The following QPCTL variants were observed in gnomAD, a reference collection of about 807,000 sequenced individuals.
QPCTL encodes the protein glutaminyl-peptide cyclotransferase-like protein.
In QPCTL, 31 loss-of-function variants were observed where a neutral mutation model predicts 34.6. The ratio of observed to expected loss-of-function variants is 0.90; its 90% CI spans 0.67 to 1.21. The LOEUF is 1.21. Ranked by LOEUF, QPCTL falls within the 50% of genes most tolerant of loss-of-function variation. The pLI, the probability that QPCTL is intolerant of heterozygous loss-of-function variation, is 0.00. For synonymous variants in QPCTL, 223 were observed against 226.9 expected, an observed-to-expected ratio of 0.98 and a Z score of 0.15; for missense variants, 474 against 507.8, an observed-to-expected ratio of 0.93 and a Z score of 0.64.
chr19:45,700,012 G>A (rs1228592962), intron 5 of QPCTL, among the ~76,000 whole-genome samples: 1 of 150,338 alleles, frequency 6.7e-6, no homozygotes, highest in African/African-American at 2.5e-5. Flanking sequence ...GAAGTGGTAG[G>A]ATCACTTGAG....
At chr19:45,695,787 C>A in intron 3 of QPCTL, 69 bp downstream of exon 3, 2 of 1,473,110 alleles carry the variant, frequency 1.4e-6, no homozygotes. Flanking sequence ...CCCTCCCTTG[C>A]CTGGACATTT....
intron 2 of QPCTL, 101 bp downstream of exon 2, chr19:45,693,657 G>C: frequency 6.8e-7 from 1 of 1,462,214 alleles, no homozygotes; most frequent in East Asian, 2.4e-5. Context: ...GAGGAACTGG[G>C]GCTCTGACTG....
At chr19:45,701,943 G>T in intron 6 of QPCTL, 29 bp downstream of exon 6, 1 of 1,568,928 alleles carries the variant, frequency 6.4e-7, no homozygotes, top group South Asian at 1.1e-5. Context: ...GATGGAGGGT[G>T]GGTGTCCAAG....
At chr19:45,700,827 T>C (rs372836591) in intron 5 of QPCTL, among the ~76,000 whole-genome samples, 66 of 151,902 alleles carry the variant, frequency 4.3e-4, no homozygotes, top group South Asian at 2.1e-3. Flanking sequence ...GGTGTGGTGG[T>C]GGGCGCCTGT....
Position 45,701,823 on chromosome 19 carries a change from G to A in QPCTL, c.912G>A (p.Leu304=). 1 of 1,613,956 alleles carries A rather than the reference G, an allele frequency of 6.2e-7. No individual in the cohort carries two copies. The highest frequency in any genetic ancestry group is 8.5e-7 in the Non-Finnish European group (1 of 1,179,904). Residue 304 remains leucine (L), a synonymous_variant, in exon 6 of 7, where the codon CTG becomes CTA. Coordinates refer to ENST00000012049, the MANE Select transcript of QPCTL (RefSeq NM_017659.4). ...AGAAGCGTCTGCACCGTTTGAACCTGCTGCAGTCTCATCCCCAGGAAGTGA... is the reference window on the plus strand; with the variant it reads ...AGAAGCGTCTGCACCGTTTGAACCTACTGCAGTCTCATCCCCAGGAAGTGA... ...SIEKRLHRLN[L]LQSHPQEVMY...
At chr19:45,699,587 G>C (rs1366960544) in intron 5 of QPCTL, among the ~76,000 whole-genome samples, 1 of 151,864 alleles carries the variant, frequency 6.6e-6, no homozygotes, top group Non-Finnish European at 1.5e-5. Context: ...GAGCTCAGGA[G>C]TTTCAGACCA....
intron 5 of QPCTL, 152 bp downstream of exon 5, chr19:45,699,052 G>A (rs1429112885): frequency 7.8e-6 from 3 of 384,748 alleles, no homozygotes; most frequent in East Asian, 4.8e-5. Context: ...TTTTTTTTTT[G>A]AGATGGAGTC....
Position 45,697,265 on chromosome 19 carries a change from A to C in QPCTL, c.634-1282A>C, listed in dbSNP as rs958852215. Among the ~76,000 whole-genome samples the C allele has an allele frequency of 2.0e-5, 3 of 151,966 alleles. No homozygotes were observed. The East Asian group carries it at 5.8e-4, about 29-fold the overall frequency. ...CACAGTGAAACCCCGTCTCTACTAAAAATACAAAAAGTTAGCTGGGCGTGG... is the reference window on the plus strand; with the variant it reads ...CACAGTGAAACCCCGTCTCTACTAACAATACAAAAAGTTAGCTGGGCGTGG... On this transcript the variant is annotated intron_variant, in intron 3 of 6. Coordinates refer to ENST00000012049, the MANE Select transcript of QPCTL (RefSeq NM_017659.4).
chr19:45,700,736 G>A lies in QPCTL; in HGVS notation c.887-1062G>A, dbSNP rs186629020. ...AGCACTTTGGGAGGCCGAGGTGGGC[G>A]AATCACAAGGTCAGCAGTTCGAGAC... is the stretch of plus-strand genomic sequence containing the variant. On this transcript the variant is annotated intron_variant, in intron 5 of 6. Coordinates refer to ENST00000012049, the MANE Select transcript of QPCTL (RefSeq NM_017659.4). Among the ~76,000 whole-genome samples, 72 of 151,904 alleles carry A rather than the reference G, an allele frequency of 4.7e-4. 1 individual carries two copies. Among genetic ancestry groups the A allele is most frequent in the African/African-American group, 1.6e-3 (65 of 41,414 alleles).
At chr19:45,699,537 A>T (rs1967770711) in intron 5 of QPCTL, among the ~76,000 whole-genome samples, 1 of 151,826 alleles carries the variant, frequency 6.6e-6, no homozygotes, top group African/African-American at 2.4e-5. Context: ...GGTGGCTCAC[A>T]CCTGTAATCC....
intron 3 of QPCTL, 150 bp from the exon 4 acceptor site, chr19:45,698,397 C>T (rs1008773): frequency 1.4e-5 from 13 of 936,644 alleles, no homozygotes; most frequent in South Asian, 1.1e-4. Flanking sequence ...AGACAACTGA[C>T]TCGGAATCTG....
intron 5 of QPCTL, among the ~76,000 whole-genome samples, chr19:45,700,378 A>C (rs1967786989): frequency 6.6e-6 from 1 of 151,850 alleles, no homozygotes; most frequent in African/African-American, 2.4e-5. Flanking sequence ...CTGGGAGCAC[A>C]GGTTGCAGTG....
In QPCTL at chr19:45,698,620, C is replaced by T. The variant is rs1249948706; in HGVS notation, c.707C>T (p.Ser236Phe). 1 of 1,614,042 alleles carries T rather than the reference C, an allele frequency of 6.2e-7. No homozygotes were observed. The highest frequency in any genetic ancestry group is 1.3e-5 in the African/African-American group (1 of 74,924). ...CTGAAGGAGTGGGGACCCAAGGACT[C>T]CCTTTACGGTTCCCGGCACCTGGCC... The part of the protein sequence containing the change: ...EALKEWGPKD[S>F]LYGSRHLAQL... The change falls in exon 4 of 7, where the codon TCC becomes TTC. Residue 236 changes from serine (S) to phenylalanine (F), a missense_variant. Coordinates refer to ENST00000012049, the MANE Select transcript of QPCTL (RefSeq NM_017659.4).
intron 5 of QPCTL, among the ~76,000 whole-genome samples, chr19:45,700,721 G>C (rs1967792427): frequency 6.6e-6 from 1 of 152,064 alleles, no homozygotes; most frequent in Non-Finnish European, 1.5e-5. Context: ...AGCACTTTGG[G>C]AGGCCGAGGT....
intron 5 of QPCTL, 131 bp downstream of exon 5, chr19:45,699,031 C>CAT: frequency 3.0e-6 from 1 of 331,822 alleles, no homozygotes; most frequent in Non-Finnish European, 5.3e-6. Context: ...GAGACCCCAT[C>CAT]TTTTTTTTTT....
At position 45,703,131 on chromosome 19, in the gene QPCTL, T is replaced by A; in HGVS notation, c.*82T>A. 1 of 1,541,226 alleles carries A rather than the reference T, an allele frequency of 6.5e-7. No homozygotes were observed. The highest frequency in any genetic ancestry group is 8.9e-7 in the Non-Finnish European group (1 of 1,121,882). On this transcript the variant is annotated 3_prime_UTR_variant, in exon 7 of 7. Coordinates refer to ENST00000012049, the MANE Select transcript of QPCTL (RefSeq NM_017659.4). ...CAGTGAAGCTCAGGCAGGATCTGCC[T>A]AGGGTGTGCTGGTTTGTCCTTTTCA...
In QPCTL at chr19:45,692,694, C is replaced by T; in HGVS notation, c.-10C>T. 6.5e-7 allele frequency: 1 copy of T among 1,530,302 alleles called. No individual in the cohort carries two copies. 94.8% of individuals were successfully genotyped at this position (1,530,302 alleles called of 1,614,324 possible). On this transcript the variant is annotated 5_prime_UTR_variant, in exon 1 of 7. Transcript: ENST00000012049. Reference sequence around the variant, plus strand: ...CCGTGGTCTGGTACAGGTTTCAGGGCAAAGCGGCCATGCGTTCCGGGGGCC... The same window carrying T: ...CCGTGGTCTGGTACAGGTTTCAGGGTAAAGCGGCCATGCGTTCCGGGGGCC...
At chr19:45,702,128 G>A (rs559467439) in intron 6 of QPCTL, among the ~76,000 whole-genome samples, 1 of 152,138 alleles carries the variant, frequency 6.6e-6, no homozygotes, top group African/African-American at 2.4e-5. Context: ...ACCTTACTTG[G>A]ACCAGCACCC....
intron 5 of QPCTL, among the ~76,000 whole-genome samples, chr19:45,700,998 G>C (rs1967800045): frequency 6.7e-6 from 1 of 149,910 alleles, no homozygotes; most frequent in Non-Finnish European, 1.5e-5. Flanking sequence ...CCCAGACATA[G>C]TGGCTCATGC....
Sources: allele counts gnomAD v4.1 joint callset (sites outside exome capture counted in the v4.1 genomes callset), GRCh38; gene constraint gnomAD v4.1.1; transcripts MANE v1.5; gene names NCBI Gene and HGNC (gene_info 2026-07-23, HGNC 2026-07-21).